KIAA1328: variants seen among roughly 807,000 people sequenced by gnomAD.
The protein encoded by KIAA1328 is protein hinderin.
KIAA1328 carries 52 observed loss-of-function variants against 68.1 expected under a neutral mutation model. The observed-to-expected ratio is 0.76, with a 90% confidence interval of 0.61 to 0.96. The LOEUF (loss-of-function observed/expected upper bound fraction) is 0.96, where lower values mean the gene tolerates loss of function less well. Ranked by LOEUF, KIAA1328 falls within the 40% of genes least tolerant of loss-of-function variation. The pLI, the probability that KIAA1328 is intolerant of heterozygous loss-of-function variation, is 0.00. For missense variants in KIAA1328, 641 were observed against 677.6 expected, an observed-to-expected ratio of 0.95 and a Z score of 0.60; for synonymous variants, 232 against 239.4, an observed-to-expected ratio of 0.97 and a Z score of 0.28.
intron 7 of KIAA1328, among the ~76,000 whole-genome samples, chr18:37,145,051 G>A (rs547929361): frequency 6.6e-6 from 1 of 151,962 alleles, no homozygotes; most frequent in African/African-American, 2.4e-5. Flanking sequence ...TCTGGGCAAC[G>A]TGGTGAAAAC....
chr18:36,904,800 G>A (rs2049159165), intron 5 of KIAA1328, among the ~76,000 whole-genome samples: 1 of 151,464 alleles, frequency 6.6e-6, no homozygotes, highest in African/African-American at 2.4e-5. Flanking sequence ...TTTTTTCTGT[G>A]TTCTTTTGGA....
chr18:36,837,286 C>G (rs2046709896), intron 3 of KIAA1328, among the ~76,000 whole-genome samples: 1 of 152,130 alleles, frequency 6.6e-6, no homozygotes, highest in Non-Finnish European at 1.5e-5. Flanking sequence ...GATGGCCACC[C>G]TAGTGGGTGT....
intron 3 of KIAA1328, among the ~76,000 whole-genome samples, chr18:36,842,361 G>A (rs1266313680): frequency 6.6e-6 from 1 of 152,142 alleles, no homozygotes; most frequent in Non-Finnish European, 1.5e-5. Flanking sequence ...GAACTCAGGG[G>A]TGACACTGTC....
intron 7 of KIAA1328, among the ~76,000 whole-genome samples, chr18:37,095,933 C>T (rs1012429185): frequency 3.3e-5 from 5 of 151,930 alleles, no homozygotes; most frequent in African/African-American, 1.2e-4. Flanking sequence ...CATAATTGAA[C>T]CGGGAAGAAA....
At chr18:36,955,434 C>G (rs1035449048) in intron 5 of KIAA1328, among the ~76,000 whole-genome samples, 1 of 151,834 alleles carries the variant, frequency 6.6e-6, no homozygotes, top group African/African-American at 2.4e-5. Flanking sequence ...CTCAGCCTCC[C>G]GAGTAGCTGG....
chr18:36,874,447 T>A (rs1446757980), intron 4 of KIAA1328, among the ~76,000 whole-genome samples: 1 of 152,230 alleles, frequency 6.6e-6, no homozygotes, highest in Non-Finnish European at 1.5e-5. Context: ...GGTGATGAGC[T>A]TTTTATCATA....
chr18:36,836,578 A>G (rs1331626730), intron 3 of KIAA1328, among the ~76,000 whole-genome samples: 1 of 152,098 alleles, frequency 6.6e-6, no homozygotes, highest in East Asian at 1.9e-4. Flanking sequence ...ACAGACCCCA[A>G]AATACATATT....
At chr18:37,195,117 A>C (rs1208754685) in intron 9 of KIAA1328, among the ~76,000 whole-genome samples, 4 of 152,116 alleles carry the variant, frequency 2.6e-5, no homozygotes, top group East Asian at 3.9e-4. Context: ...AAGAATTCCC[A>C]ATTCTTTTCT....
At chr18:37,151,650 C>T (rs570472612) in intron 7 of KIAA1328, among the ~76,000 whole-genome samples, 2 of 152,092 alleles carry the variant, frequency 1.3e-5, no homozygotes, top group East Asian at 1.9e-4. Flanking sequence ...TGTTTTTTGA[C>T]GGTGGTGCCA....
intron 7 of KIAA1328, among the ~76,000 whole-genome samples, chr18:37,127,205 TA>T (rs1279513125): frequency 6.6e-6 from 1 of 152,248 alleles, no homozygotes; most frequent in Non-Finnish European, 1.5e-5. Context: ...TAAGTGAGTT[TA>T]ACCAGGTTCA....
At chr18:37,038,925 A>T (rs1033896384) in intron 6 of KIAA1328, among the ~76,000 whole-genome samples, 1 of 152,140 alleles carries the variant, frequency 6.6e-6, no homozygotes, top group Non-Finnish European at 1.5e-5. Flanking sequence ...TCATAAGTAG[A>T]TGTTAAATTT....
chr18:37,102,470 A>G (rs909932279), intron 7 of KIAA1328, among the ~76,000 whole-genome samples: 6 of 152,214 alleles, frequency 3.9e-5, no homozygotes, highest in African/African-American at 1.4e-4. Flanking sequence ...TCAACAAAAC[A>G]ACGGATAAAG....
intron 7 of KIAA1328, among the ~76,000 whole-genome samples, chr18:37,157,862 G>A (rs925621600): frequency 6.8e-6 from 1 of 147,986 alleles, no homozygotes; most frequent in African/African-American, 2.5e-5. Context: ...TGGCTGAATA[G>A]TGTTCTTTAT....
intron 5 of KIAA1328, among the ~76,000 whole-genome samples, chr18:36,938,817 C>G (rs147470325): frequency 2.4e-4 from 37 of 152,238 alleles, no homozygotes; most frequent in African/African-American, 8.2e-4. Flanking sequence ...TCCAGTATTC[C>G]CAATACCATT....
chr18:36,912,239 A>G (rs2049482158), intron 5 of KIAA1328, among the ~76,000 whole-genome samples: 1 of 152,106 alleles, frequency 6.6e-6, no homozygotes, highest in Non-Finnish European at 1.5e-5. Context: ...TCCAAAATCA[A>G]TCTCAATGGG....
chr18:36,840,641 T>G (rs906124962), intron 3 of KIAA1328, among the ~76,000 whole-genome samples: 1 of 152,006 alleles, frequency 6.6e-6, no homozygotes, highest in Non-Finnish European at 1.5e-5. Flanking sequence ...TAAACAGAGA[T>G]GGGGTTTCAC....
chr18:37,042,818 A>C (rs2055309480), intron 6 of KIAA1328, among the ~76,000 whole-genome samples: 1 of 151,982 alleles, frequency 6.6e-6, no homozygotes, highest in Non-Finnish European at 1.5e-5. Context: ...AACTTTTCCA[A>C]ATATTTTTCT....
At position 36,951,119 on chromosome 18, in the gene KIAA1328, C is replaced by T. The variant is rs531660604; in HGVS notation, c.449-8189C>T. 5.9e-5 allele frequency among the ~76,000 whole-genome samples: 9 copies of T among 152,268 alleles called. No individual in the cohort carries two copies. The East Asian group carries it at 7.7e-4, about 13-fold the overall frequency. On this transcript the variant is annotated intron_variant, in intron 5 of 9. Coordinates refer to ENST00000280020, the MANE Select transcript of KIAA1328 (RefSeq NM_020776.3). ...CTTGTTGTTACATTGGCCTCCTTCT[C>T]GTCTCACAGTTGGAACATTCCTTTC...
intron 7 of KIAA1328, chr18:37,084,325 A>T: frequency 1.8e-6 from 1 of 569,746 alleles, no homozygotes; most frequent in Non-Finnish European, 2.7e-6. Flanking sequence ...GTTGATTAAT[A>T]CAGTTTTGTG....
Sources: allele counts gnomAD v4.1 joint callset (sites outside exome capture counted in the v4.1 genomes callset), GRCh38; gene constraint gnomAD v4.1.1; transcripts MANE v1.5; gene names NCBI Gene and HGNC (gene_info 2026-07-23, HGNC 2026-07-21).